Variants in STRN observed in about 807,000 individuals in gnomAD.
STRN encodes the protein protein phosphatase 2 regulatory subunit B'''alpha.
Under a neutral mutation model 96.3 loss-of-function variants are expected in STRN, and 53 were observed. That is an observed-to-expected ratio of 0.55 (90% CI 0.44 to 0.69). STRN has a LOEUF of 0.69. Among genes scored for constraint, STRN ranks in the 30% least tolerant of loss-of-function variants. The probability of loss-of-function intolerance (pLI) is 0.00; values close to 1 mark genes in which losing one functional copy is unlikely to be tolerated. For synonymous variants in STRN, 428 were observed against 355.9 expected (o/e 1.20, Z -2.28); for missense variants, 987 against 963.9 (o/e 1.02, Z -0.32).
At chr2:36,954,002 A>G (rs1664821043) in intron 1 of STRN, among the ~76,000 whole-genome samples, 1 of 152,044 alleles carries the variant, frequency 6.6e-6, no homozygotes, top group South Asian at 2.1e-4. Flanking sequence ...GAAGAGAGAC[A>G]CAGTCTCTTT....
chr2:36,901,002 T>C (rs1383337580), intron 5 of STRN, among the ~76,000 whole-genome samples: 1 of 148,222 alleles, frequency 6.7e-6, no homozygotes, highest in African/African-American at 2.5e-5. Context: ...AGCATTTTCC[T>C]GAAAAAAAAA....
chr2:36,930,923 C>G (rs1670557437), intron 1 of STRN, among the ~76,000 whole-genome samples: 1 of 151,900 alleles, frequency 6.6e-6, no homozygotes, highest in Non-Finnish European at 1.5e-5. Context: ...GTAATCCCAG[C>G]TACTCTGGCT....
chr2:36,895,723 A>C (rs958815274), intron 6 of STRN, among the ~76,000 whole-genome samples: 14 of 148,532 alleles, frequency 9.4e-5, no homozygotes, highest in Non-Finnish European at 2.1e-4. Flanking sequence ...CCTCCTGCCT[A>C]ACATGGTAAA....
At chr2:36,951,783 T>A (rs976040935) in intron 1 of STRN, among the ~76,000 whole-genome samples, 8 of 152,188 alleles carry the variant, frequency 5.3e-5, no homozygotes, top group Non-Finnish European at 1.0e-4. Context: ...AAGTATGAGA[T>A]AGGACGGGTT....
At chr2:36,853,028 A>G (rs1260698543) in intron 15 of STRN, among the ~76,000 whole-genome samples, 1 of 152,122 alleles carries the variant, frequency 6.6e-6, no homozygotes, top group African/African-American at 2.4e-5. Context: ...ATGGTGGCAC[A>G]CGCCTGTGGT....
chr2:36,916,833 T>C (rs1434141206), intron 2 of STRN, among the ~76,000 whole-genome samples: 1 of 152,188 alleles, frequency 6.6e-6, no homozygotes, highest in Non-Finnish European at 1.5e-5. Context: ...GATTTAACCA[T>C]CTGATTTAAC....
intron 1 of STRN, among the ~76,000 whole-genome samples, chr2:36,953,005 A>C (rs188002224): frequency 1.5e-3 from 233 of 152,328 alleles, no homozygotes; most frequent in Admixed American, 4.3e-3. Context: ...AACTGGCATC[A>C]CCGTTGTGGA....
intron 1 of STRN, among the ~76,000 whole-genome samples, chr2:36,926,176 AAAC>A (rs1172410805): frequency 6.6e-6 from 1 of 152,240 alleles, no homozygotes; most frequent in Non-Finnish European, 1.5e-5. Flanking sequence ...AACGAACTGT[AAAC>A]AACTTTTAAA....
intron 9 of STRN, 68 bp downstream of exon 9, chr2:36,883,864 T>C: frequency 7.7e-7 from 1 of 1,295,080 alleles, no homozygotes; most frequent in Non-Finnish European, 9.9e-7. Context: ...GAGAGGCCTT[T>C]CTAATGAATG....
chr2:36,847,043 C>G lies in STRN; in HGVS notation c.*2413G>C, dbSNP rs1219417271. On this transcript the variant is annotated 3_prime_UTR_variant, in exon 18 of 18. Coordinates refer to ENST00000263918, the MANE Select transcript of STRN (RefSeq NM_003162.4). ...AAAAGTCAGACACATGTATATGCTA[C>G]TCTGGTTGGAAGACAGCTTTGGCTC... is the stretch of plus-strand genomic sequence containing the variant. The G allele has an allele frequency of 6.6e-6, 1 of 152,110 alleles. No individual in the cohort carries two copies. Among genetic ancestry groups the G allele is most frequent in the Non-Finnish European group, 1.5e-5 (1 of 68,014 alleles). The allele number at this position is 152,110 out of a possible 1,614,324, so 9.4% of individuals were successfully genotyped here.
intron 4 of STRN, 61 bp downstream of exon 4, chr2:36,905,479 T>G: frequency 6.9e-7 from 1 of 1,452,270 alleles, no homozygotes; most frequent in Non-Finnish European, 9.7e-7. Context: ...ACAGTAAAAA[T>G]AACTTCATAA....
intron 3 of STRN, among the ~76,000 whole-genome samples, chr2:36,906,301 CA>C (rs916707057): frequency 1.3e-5 from 2 of 151,190 alleles, no homozygotes; most frequent in East Asian, 2.0e-4. Flanking sequence ...CCTGTCTCTA[CA>C]AAAAAAATTA....
intron 1 of STRN, among the ~76,000 whole-genome samples, chr2:36,941,388 C>G (rs1670840892): frequency 6.6e-6 from 1 of 152,060 alleles, no homozygotes; most frequent in Non-Finnish European, 1.5e-5. Context: ...TCACATCGCT[C>G]TCCACCCCAT....
rs964796110 is a variant in STRN at position 36,908,109 on chromosome 2, T to C, written c.413-2491A>G. 9.8e-5 allele frequency among the ~76,000 whole-genome samples: 15 copies of C among 152,320 alleles called. 1 individual carries two copies. The highest frequency in any genetic ancestry group is 2.9e-4 in the African/African-American group (12 of 41,578). ...GGATCTGTGCAGGTAACATAGTATG[T>C]TCCAATATACCCCCTTCTTAAGTCA... is the stretch of plus-strand genomic sequence containing the variant. On this transcript the variant is annotated intron_variant, in intron 3 of 17. Transcript: ENST00000263918.
chr2:36,849,423 T>C lies in STRN; in HGVS notation c.*33A>G. The C allele has an allele frequency of 1.2e-6, 2 of 1,610,576 alleles. No individual in the cohort carries two copies. The highest frequency in any genetic ancestry group is 1.7e-6 in the Non-Finnish European group (2 of 1,178,014). ...TCTCTTGTGTGCAGTTGATTACTTA[T>C]AAACAGCTAGAAGGTGAAGATGATG... is the stretch of plus-strand genomic sequence containing the variant. On this transcript the variant is annotated 3_prime_UTR_variant, in exon 18 of 18. Coordinates refer to ENST00000263918, the MANE Select transcript of STRN (RefSeq NM_003162.4).
chr2:36,876,513 T>C (rs559893117), intron 10 of STRN, among the ~76,000 whole-genome samples: 1 of 151,980 alleles, frequency 6.6e-6, no homozygotes, highest in Non-Finnish European at 1.5e-5. Context: ...GAGGAGTGAG[T>C]GGTAAGCATT....
At chr2:36,958,802 G>C (rs571132189) in intron 1 of STRN, among the ~76,000 whole-genome samples, 1 of 152,140 alleles carries the variant, frequency 6.6e-6, no homozygotes, top group African/African-American at 2.4e-5. Context: ...AATTCAAGGA[G>C]TCTAATGAAG....
chr2:36,928,942 C>T lies in STRN; in HGVS notation c.235-3734G>A, dbSNP rs540162596. On this transcript the variant is annotated intron_variant, in intron 1 of 17. Coordinates refer to ENST00000263918, the MANE Select transcript of STRN (RefSeq NM_003162.4). ...CAGCCTGGGCAACAGAGTGAGACTC[C>T]GTCTCAAAAAAAAAAAAAAAAAAGT... Among the ~76,000 whole-genome samples, 6 of 140,708 alleles carry T rather than the reference C, an allele frequency of 4.3e-5. No individual in the cohort carries two copies. In the East Asian group the frequency reaches 6.1e-4, roughly 14 times the overall value. The allele number at this position is 140,708 out of a possible 152,430, so 92.3% of individuals were successfully genotyped here.
intron 1 of STRN, among the ~76,000 whole-genome samples, chr2:36,934,015 G>A (rs1275825592): frequency 2.6e-5 from 4 of 152,110 alleles, no homozygotes; most frequent in Non-Finnish European, 5.9e-5. Flanking sequence ...TGGAGGCTGA[G>A]GAAGAATGGC....
Sources: allele counts gnomAD v4.1 joint callset (sites outside exome capture counted in the v4.1 genomes callset), GRCh38; gene constraint gnomAD v4.1.1; transcripts MANE v1.5; gene names NCBI Gene and HGNC (gene_info 2026-07-23, HGNC 2026-07-21).